The following DAB1 variants were observed in gnomAD, a reference collection of about 807,000 sequenced individuals.
DAB1 encodes DAB adaptor protein 1.
DAB1 carries 15 observed loss-of-function variants against 64.6 expected under a neutral mutation model. The ratio of observed to expected loss-of-function variants is 0.23; its 90% CI spans 0.16 to 0.36. DAB1 has a LOEUF of 0.36. Among genes scored for constraint, DAB1 ranks in the 10% least tolerant of loss-of-function variants. The probability of loss-of-function intolerance (pLI) is 1.00; values close to 1 mark genes in which losing one functional copy is unlikely to be tolerated. For synonymous variants in DAB1, 235 were observed against 251.9 expected (o/e 0.93, Z 0.64); for missense variants, 596 against 706.7 (o/e 0.84, Z 1.78).
chr1:57,321,677 C>T (rs2100766460), intron 1 of DAB1, among the ~76,000 whole-genome samples: 2 of 152,266 alleles, frequency 1.3e-5, no homozygotes, highest in Admixed American at 1.3e-4. Context: ...AATCCTAGCC[C>T]TGAATCCATT....
chr1:57,143,167 G>A (rs139480371), intron 3 of DAB1, among the ~76,000 whole-genome samples: 291 of 152,270 alleles, frequency 1.9e-3, no homozygotes, highest in African/African-American at 6.7e-3. Flanking sequence ...CGAGTCATGG[G>A]TCCTACTCTG....
intron 4 of DAB1, among the ~76,000 whole-genome samples, chr1:57,106,863 A>T (rs1655208547): frequency 6.6e-6 from 1 of 152,148 alleles, no homozygotes; most frequent in Non-Finnish European, 1.5e-5. Context: ...CTAAATAAAC[A>T]CATTATAAAA....
intron 7 of DAB1, among the ~76,000 whole-genome samples, chr1:57,542,400 A>G (rs1399255159): frequency 2.0e-5 from 3 of 150,812 alleles, no homozygotes; most frequent in Non-Finnish European, 2.9e-5. Flanking sequence ...AGGAAAGGAG[A>G]CTTAGAAGGG....
chr1:58,339,352 C>T (rs149241726), intron 4 of DAB1, among the ~76,000 whole-genome samples: 2 of 152,134 alleles, frequency 1.3e-5, no homozygotes, highest in South Asian at 2.1e-4. Context: ...GCAATGAACA[C>T]AATGTTAATA....
At chr1:58,538,044 A>G (rs983867030) in intron 1 of DAB1, among the ~76,000 whole-genome samples, 8 of 152,232 alleles carry the variant, frequency 5.3e-5, no homozygotes, top group Non-Finnish European at 7.3e-5. Context: ...GAAAAACACA[A>G]TAAGTTACAA....
chr1:58,374,854 C>G lies in DAB1; in HGVS notation n.258-31451G>C, dbSNP rs1049196661. On this transcript the variant is annotated intron_variant and non_coding_transcript_variant, in intron 3 of 20. Transcript: ENST00000485760. Reference sequence around the variant, plus strand: ...ATTTGTTTGTATCCTCTTTTATTTCCTTGAGCAGTGGTTTGTAGTTCTCCT... The same window carrying G: ...ATTTGTTTGTATCCTCTTTTATTTCGTTGAGCAGTGGTTTGTAGTTCTCCT... Among the ~76,000 whole-genome samples, 6 of 135,824 alleles carry G rather than the reference C, an allele frequency of 4.4e-5. 1 individual carries two copies. Among genetic ancestry groups the G allele is most frequent in the African/African-American group, 8.6e-5 (3 of 34,990 alleles). 89.1% of individuals were successfully genotyped at this position (135,824 alleles called of 152,430 possible).
At chr1:57,284,391 C>T (rs1332524051) in intron 2 of DAB1, among the ~76,000 whole-genome samples, 1 of 152,172 alleles carries the variant, frequency 6.6e-6, no homozygotes, top group Non-Finnish European at 1.5e-5. Flanking sequence ...CATGCTGGAG[C>T]TGGATAAATG....
At chr1:58,098,799 C>A (rs541164763) in intron 5 of DAB1, among the ~76,000 whole-genome samples, 1 of 152,278 alleles carries the variant, frequency 6.6e-6, no homozygotes, top group East Asian at 1.9e-4. Context: ...GAAGGAGAGG[C>A]CTTAGAAGAA....
intron 7 of DAB1, among the ~76,000 whole-genome samples, chr1:57,509,750 T>C (rs1485793884): frequency 1.3e-5 from 2 of 152,192 alleles, no homozygotes; most frequent in Admixed American, 6.5e-5. Context: ...TTACCCTCTG[T>C]GTCTCCTCTC....
intron 1 of DAB1, among the ~76,000 whole-genome samples, chr1:58,532,629 G>A (rs1425501718): frequency 1.3e-5 from 2 of 152,128 alleles, no homozygotes; most frequent in Non-Finnish European, 2.9e-5. Context: ...CCAGGCTCAA[G>A]CAATCCTCCT....
intron 1 of DAB1, among the ~76,000 whole-genome samples, chr1:57,837,407 T>C (rs1652855109): frequency 6.6e-6 from 1 of 152,154 alleles, no homozygotes; most frequent in Non-Finnish European, 1.5e-5. Flanking sequence ...ACATCCAGGT[T>C]GTGTTTCTTT....
intron 2 of DAB1, among the ~76,000 whole-genome samples, chr1:57,283,497 T>C (rs1044146596): frequency 1.3e-5 from 2 of 152,180 alleles, no homozygotes; most frequent in African/African-American, 2.4e-5. Flanking sequence ...TGCTAGGTTT[T>C]TTATACTTGT....
At chr1:58,456,306 A>C (rs1005488955) in intron 3 of DAB1, among the ~76,000 whole-genome samples, 2 of 152,206 alleles carry the variant, frequency 1.3e-5, no homozygotes, top group Non-Finnish European at 2.9e-5. Context: ...CTGGGATTAG[A>C]ACCTGGATTG....
rs564633296 is a variant in DAB1 at position 57,768,385 on chromosome 1, A to G, written n.551+115614T>C. Among the ~76,000 whole-genome samples, 48 of 151,828 alleles carry G rather than the reference A, an allele frequency of 3.2e-4. No homozygotes were observed. The South Asian group carries it at 1.0e-2, about 32-fold the overall frequency. On this transcript the variant is annotated intron_variant and non_coding_transcript_variant, in intron 6 of 20. Coordinates refer to the DAB1 transcript ENST00000485760. Reference sequence around the variant, plus strand: ...GACATACCATATTTAAGATATTCAGAAAAAGACCTGGTATACGGTAAGTAC... The same window carrying G: ...GACATACCATATTTAAGATATTCAGGAAAAGACCTGGTATACGGTAAGTAC...
chr1:57,014,491 A>G (rs1646360893), intron 12 of DAB1, among the ~76,000 whole-genome samples: 1 of 152,250 alleles, frequency 6.6e-6, no homozygotes, highest in Non-Finnish European at 1.5e-5. Flanking sequence ...CTATACGTAA[A>G]TAAATGAACG....
chr1:57,069,024 A>T (rs1442242117), intron 8 of DAB1, among the ~76,000 whole-genome samples: 1 of 152,220 alleles, frequency 6.6e-6, no homozygotes, highest in Admixed American at 6.5e-5. Context: ...AAATTTGATA[A>T]GCACATTCTT....
chr1:58,486,723 A>AT (rs1363775900), intron 3 of DAB1, among the ~76,000 whole-genome samples: 2 of 152,208 alleles, frequency 1.3e-5, no homozygotes, highest in African/African-American at 4.8e-5. Context: ...AAGGGAAGCG[A>AT]TTTAAGATTA....
At chr1:57,208,603 A>G (rs1215693810) in intron 2 of DAB1, among the ~76,000 whole-genome samples, 1 of 152,240 alleles carries the variant, frequency 6.6e-6, no homozygotes, top group Non-Finnish European at 1.5e-5. Flanking sequence ...AAGAACCTAA[A>G]ATAGTATCTG....
chr1:57,033,600 G>C, intron 9 of DAB1: 1 of 1,599,318 alleles, frequency 6.3e-7, no homozygotes, highest in South Asian at 1.1e-5. Flanking sequence ...TGATGAATGA[G>C]GATGAAGTGA....
Sources: allele counts gnomAD v4.1 joint callset (sites outside exome capture counted in the v4.1 genomes callset), GRCh38; gene constraint gnomAD v4.1.1; transcripts MANE v1.5; gene names NCBI Gene and HGNC (gene_info 2026-07-23, HGNC 2026-07-21).